Variants in EMB observed in about 807,000 individuals in gnomAD.
EMB encodes embigin.
A neutral mutation model predicts 41.4 loss-of-function variants in EMB; 31 were observed. The ratio of observed to expected loss-of-function variants is 0.75; its 90% confidence interval spans 0.56 to 1.01. The LOEUF (loss-of-function observed/expected upper bound fraction) is 1.01. EMB is among the 50% of genes least tolerant of loss of function. The pLI is 0.00. For synonymous variants in EMB, 137 were observed against 140.4 expected (o/e 0.98, Z 0.17); for missense variants, 379 against 388.3 (o/e 0.98, Z 0.20).
intron 4 of EMB, among the ~76,000 whole-genome samples, chr5:50,409,861 C>T (rs1426214902): frequency 1.3e-5 from 2 of 152,004 alleles, no homozygotes; most frequent in African/African-American, 2.4e-5. Context: ...CTAGTTTCTG[C>T]TTTTGGAGAG....
intron 7 of EMB, 21 bp downstream of exon 7, chr5:50,402,265 T>C: frequency 6.2e-7 from 1 of 1,604,204 alleles, no homozygotes; most frequent in Non-Finnish European, 8.5e-7. Flanking sequence ...TGAAAATTAA[T>C]CTGTAAAAAA....
At chr5:50,403,806 A>G (rs904488425) in intron 5 of EMB, among the ~76,000 whole-genome samples, 1 of 151,970 alleles carries the variant, frequency 6.6e-6, no homozygotes, top group African/African-American at 2.4e-5. Context: ...GCTTTAAAGT[A>G]CTTTTTCCTT....
At chr5:50,402,654 C>A (rs926360479) in intron 6 of EMB, among the ~76,000 whole-genome samples, 1 of 151,822 alleles carries the variant, frequency 6.6e-6, no homozygotes, top group Middle Eastern at 3.2e-3. Context: ...GCTTTATCAA[C>A]CTGTAACCCA....
intron 1 of EMB, among the ~76,000 whole-genome samples, chr5:50,435,775 T>A (rs1278085162): frequency 6.6e-6 from 1 of 152,244 alleles, no homozygotes; most frequent in Non-Finnish European, 1.5e-5. Flanking sequence ...TTCATTGATT[T>A]ATTTTTTAAT....
At chr5:50,438,479 C>CT (rs924590500) in intron 1 of EMB, among the ~76,000 whole-genome samples, 3 of 152,004 alleles carry the variant, frequency 2.0e-5, no homozygotes, top group African/African-American at 7.2e-5. Flanking sequence ...ATTCTTTTTT[C>CT]TTTTTTCAGC....
intron 5 of EMB, among the ~76,000 whole-genome samples, chr5:50,404,639 A>G (rs2111775843): frequency 6.6e-6 from 1 of 151,954 alleles, no homozygotes; most frequent in East Asian, 1.9e-4. Flanking sequence ...CCACATACAC[A>G]TCAATAAATA....
rs1053117163 is a variant in EMB, at chr5:50,396,399, G to A, written c.*2874C>T. ...GACAAAGAAACAAAATAATCCAAGA[G>A]AGAGACCAACAAATGTATATTTATA... On this transcript the variant is annotated 3_prime_UTR_variant, in exon 9 of 9. Transcript: ENST00000303221. The A allele has an allele frequency of 2.0e-5, 3 of 152,070 alleles. No homozygotes were observed. Among genetic ancestry groups the A allele is most frequent in the African/African-American group, 7.2e-5 (3 of 41,396 alleles). The allele number at this position is 152,070 out of a possible 1,614,324, so 9.4% of individuals were successfully genotyped here.
At chr5:50,427,193 T>C (rs1455213422) in intron 2 of EMB, among the ~76,000 whole-genome samples, 1 of 152,200 alleles carries the variant, frequency 6.6e-6, no homozygotes, top group Admixed American at 6.5e-5. Context: ...CTGAAGACCA[T>C]TCCACTCTCT....
At chr5:50,421,938 T>C (rs1745531480) in intron 2 of EMB, among the ~76,000 whole-genome samples, 1 of 150,320 alleles carries the variant, frequency 6.7e-6, no homozygotes, top group Admixed American at 6.6e-5. Flanking sequence ...GAGATATACC[T>C]GATGTTAAAT....
Position 50,411,180 on chromosome 5 carries a change from A to C in EMB, c.383+17T>G. On this transcript the variant is annotated intron_variant, in intron 3 of 8. Transcript: ENST00000303221. ...CTACTTTTGGTGAGCAAGGTAGGTT[A>C]AAATTTGTATACTCACCTGTATTGG... The C allele has an allele frequency of 6.4e-7, 1 of 1,570,916 alleles. No homozygotes were observed. Among genetic ancestry groups the C allele is most frequent in the Non-Finnish European group, 8.6e-7 (1 of 1,157,794 alleles).
chr5:50,428,989 C>T (rs939078773), intron 1 of EMB, among the ~76,000 whole-genome samples: 19 of 151,954 alleles, frequency 1.3e-4, no homozygotes, highest in African/African-American at 4.1e-4. Context: ...TCAGCCTCCC[C>T]GGTTCAAGCA....
At chr5:50,425,053 C>T (rs1460861062) in intron 2 of EMB, among the ~76,000 whole-genome samples, 1 of 152,094 alleles carries the variant, frequency 6.6e-6, no homozygotes, top group African/African-American at 2.4e-5. Context: ...GAAAAAATAT[C>T]CTAACACTTG....
In EMB at chr5:50,426,895, A is replaced by G. The variant is rs1193792394; in HGVS notation, c.196+1249T>C. ...AATTAGAGTCCAGAGACCCAGTAAA[A>G]AAGAAAAAAAAAAAAAAAAACACTT... On this transcript the variant is annotated intron_variant, in intron 2 of 8. Coordinates refer to ENST00000303221, the MANE Select transcript of EMB (RefSeq NM_198449.3). Among the ~76,000 whole-genome samples, 3 of 133,058 alleles carry G rather than the reference A, an allele frequency of 2.3e-5. 1 individual carries two copies. The highest frequency in any genetic ancestry group is 6.3e-5 in the African/African-American group (2 of 31,980). 87.3% of individuals were successfully genotyped at this position (133,058 alleles called of 152,430 possible).
At chr5:50,411,688 T>G (rs907239275) in intron 2 of EMB, 1 of 171,560 alleles carries the variant, frequency 5.8e-6, no homozygotes, top group Non-Finnish European at 1.2e-5. Context: ...ATGTGCCGTA[T>G]GCTCTGACAG....
chr5:50,399,392 G>A (rs1411267792), intron 8 of EMB, 102 bp from the exon 9 acceptor site: 1 of 1,483,742 alleles, frequency 6.7e-7, no homozygotes. Context: ...GGAAGTGAGG[G>A]ATCCAATCTA....
At chr5:50,436,493 A>G (rs1034365600) in intron 1 of EMB, among the ~76,000 whole-genome samples, 4 of 151,848 alleles carry the variant, frequency 2.6e-5, no homozygotes, top group African/African-American at 9.7e-5. Context: ...CTCCTTACCC[A>G]CTCAGGCTCC....
At chr5:50,404,763 T>C (rs1157850337) in intron 5 of EMB, among the ~76,000 whole-genome samples, 1 of 151,844 alleles carries the variant, frequency 6.6e-6, no homozygotes, top group Non-Finnish European at 1.5e-5. Flanking sequence ...TCAGAAGACA[T>C]AAAGGAGTAG....
chr5:50,414,674 T>A (rs965682399), intron 2 of EMB, among the ~76,000 whole-genome samples: 5 of 152,194 alleles, frequency 3.3e-5, no homozygotes, highest in African/African-American at 4.8e-5. Flanking sequence ...GAGCACATGC[T>A]TGAAATAACT....
chr5:50,441,133 G>T lies in EMB; in HGVS notation c.19C>A (p.Leu7Met). The T allele has an allele frequency of 6.7e-7, 1 of 1,503,694 alleles. No homozygotes were observed. The allele number at this position is 1,503,694 out of a possible 1,614,324, so 93.1% of individuals were successfully genotyped here. A position where few individuals can be genotyped will look rare whatever the true frequency, so the allele number is the denominator to read the frequency against. Reference sequence around the variant, plus strand: ...GGCGTACGCGCCCTGGCCTCCAGCAGGCCGGGGAGGGCGCGCATGGCGCCA... The same window carrying T: ...GGCGTACGCGCCCTGGCCTCCAGCATGCCGGGGAGGGCGCGCATGGCGCCA... MRALPG[L>M]LEARARTPRL... The change falls in exon 1 of 9, where the codon CTG becomes ATG. Residue 7 changes from leucine to methionine, a missense_variant. Leu to Met is a conservative substitution (Grantham distance 15). Transcript: ENST00000303221.
Sources: gnomAD v4.1 joint callset for allele counts (sites outside exome capture counted in the v4.1 genomes callset) on GRCh38, gnomAD v4.1.1 for gene constraint, MANE v1.5 for transcripts, NCBI Gene and HGNC (gene_info 2026-07-23, HGNC 2026-07-21) for gene names.